The following SKAP1 variants were observed in gnomAD, a reference collection of about 807,000 sequenced individuals.
SKAP1 encodes the protein src kinase associated phosphoprotein 1.
A neutral mutation model predicts 58.5 loss-of-function variants in SKAP1; 44 were observed. The observed-to-expected ratio is 0.75, with a 90% CI of 0.59 to 0.97. SKAP1 has a LOEUF of 0.97. Among genes scored for constraint, SKAP1 ranks in the 50% least tolerant of loss-of-function variants. SKAP1 has a pLI of 0.00. For missense variants in SKAP1, 390 were observed against 435.2 expected (o/e 0.90, Z 0.92); for synonymous variants, 127 against 149.7 (o/e 0.85, Z 1.11).
chr17:48,158,567 C>CAAA (rs1171183021), intron 11 of SKAP1, among the ~76,000 whole-genome samples: 9,142 of 61,360 alleles, frequency 0.15, 1,262 homozygotes, highest in African/African-American at 0.27. Flanking sequence ...GACTCTGTCT[C>CAAA]AAAAAAAAAA....
At chr17:48,224,174 G>A (rs1324781553) in intron 4 of SKAP1, among the ~76,000 whole-genome samples, 2 of 151,598 alleles carry the variant, frequency 1.3e-5, no homozygotes, top group Non-Finnish European at 2.9e-5. Flanking sequence ...AGTATAATGT[G>A]TTCTTAGCCA....
intron 3 of SKAP1, among the ~76,000 whole-genome samples, chr17:48,352,020 G>C (rs773288602): frequency 1.3e-5 from 2 of 150,380 alleles, no homozygotes; most frequent in Non-Finnish European, 3.0e-5. Flanking sequence ...AGTAGGGTGA[G>C]CTGTAGTGTG....
At chr17:48,386,306 C>CTT (rs201047932) in intron 2 of SKAP1, among the ~76,000 whole-genome samples, 34,589 of 126,758 alleles carry the variant, frequency 0.27, 4,454 homozygotes, top group Admixed American at 0.34. Context: ...CATGCTAGAC[C>CTT]TTTTTTTTTT....
intron 4 of SKAP1, among the ~76,000 whole-genome samples, chr17:48,230,548 A>C (rs1459251697): frequency 1.3e-5 from 2 of 152,100 alleles, no homozygotes; most frequent in African/African-American, 4.8e-5. Flanking sequence ...TGAGGCCAGG[A>C]GTGTGAGACC....
chr17:48,222,363 C>A (rs1351348650), intron 4 of SKAP1, among the ~76,000 whole-genome samples: 1 of 152,154 alleles, frequency 6.6e-6, no homozygotes, highest in East Asian at 1.9e-4. Flanking sequence ...CTAAGAAAAA[C>A]TGTATTCAAG....
chr17:48,268,941 A>G (rs1178666054), intron 4 of SKAP1, among the ~76,000 whole-genome samples: 2 of 152,196 alleles, frequency 1.3e-5, no homozygotes, highest in Admixed American at 1.3e-4. Context: ...CATGACTGAC[A>G]CTAACGATAC....
chr17:48,160,888 T>C (rs567996308), intron 11 of SKAP1, among the ~76,000 whole-genome samples: 2 of 152,334 alleles, frequency 1.3e-5, no homozygotes, highest in South Asian at 4.1e-4. Flanking sequence ...TTTCGGGCAT[T>C]TGAAATACCA....
intron 4 of SKAP1, among the ~76,000 whole-genome samples, chr17:48,201,273 CTTCCTTCCTTCT>C (rs970753707): frequency 5.3e-5 from 8 of 150,590 alleles, no homozygotes; most frequent in African/African-American, 2.0e-4. Flanking sequence ...TTTTTCCTTC[CTTCCTTCCTTCT>C]TTCCTTCCTT....
intron 2 of SKAP1, among the ~76,000 whole-genome samples, chr17:48,370,786 CAAAAG>C (rs1049622023): frequency 2.0e-5 from 3 of 152,130 alleles, no homozygotes; most frequent in Non-Finnish European, 2.9e-5. Context: ...GGTATATATC[CAAAAG>C]AAAATAAATC....
At chr17:48,296,364 A>C (rs958423816) in intron 4 of SKAP1, among the ~76,000 whole-genome samples, 20 of 152,206 alleles carry the variant, frequency 1.3e-4, no homozygotes, top group African/African-American at 4.8e-4. Flanking sequence ...TAGGTTGCAA[A>C]CAGCTCAAAA....
chr17:48,323,978 T>C (rs937405091), intron 4 of SKAP1, among the ~76,000 whole-genome samples: 5 of 152,148 alleles, frequency 3.3e-5, no homozygotes, highest in African/African-American at 1.2e-4. Context: ...TTGTGGATTC[T>C]CATGTATTCT....
Position 48,135,879 on chromosome 17 carries a change from G to C in SKAP1, c.*7+1350C>G, listed in dbSNP as rs1490003608. Reference sequence around the variant, plus strand: ...ATCCTCATATTGGATTCCTAATCTTGGTCAGTCATATTGCAATATGTGGGG... The same window carrying C: ...ATCCTCATATTGGATTCCTAATCTTCGTCAGTCATATTGCAATATGTGGGG... On this transcript the variant is annotated intron_variant, in intron 12 of 12. Transcript: ENST00000336915. Among the ~76,000 whole-genome samples, 4 of 152,096 alleles carry C rather than the reference G, an allele frequency of 2.6e-5. No homozygotes were observed. In the South Asian group the frequency reaches 8.3e-4, roughly 31 times the overall value.
At chr17:48,180,301 A>G (rs1359891518) in intron 8 of SKAP1, 53 bp from the exon 9 acceptor site, 15 of 1,373,802 alleles carry the variant, frequency 1.1e-5, no homozygotes, top group Admixed American at 2.6e-5. Flanking sequence ...AGAAAATAAG[A>G]CAGGAAAGGA....
At chr17:48,274,124 C>T (rs2065668390) in intron 4 of SKAP1, among the ~76,000 whole-genome samples, 1 of 152,170 alleles carries the variant, frequency 6.6e-6, no homozygotes, top group African/African-American at 2.4e-5. Context: ...CGAGGTGGCT[C>T]ATGCTTGTAA....
At chr17:48,276,820 T>A (rs1471551964) in intron 4 of SKAP1, among the ~76,000 whole-genome samples, 1 of 152,258 alleles carries the variant, frequency 6.6e-6, no homozygotes, top group Non-Finnish European at 1.5e-5. Context: ...AATTGACATA[T>A]GTTTCTTTCA....
In SKAP1 at chr17:48,430,145, A is replaced by G. The variant is rs1017594983; in HGVS notation, c.-25T>C. ...TTTGGCTGGGCGGGAGAGAGGCGGG[A>G]CGGGGCGCGGGCCCTGGTCGGGAGG... On this transcript the variant is annotated 5_prime_UTR_variant, in exon 1 of 13. Coordinates refer to ENST00000336915, the MANE Select transcript of SKAP1 (RefSeq NM_003726.4). 1 of 1,249,250 alleles carries G rather than the reference A, an allele frequency of 8.0e-7. No individual in the cohort carries two copies. The highest frequency in any genetic ancestry group is 1.0e-6 in the Non-Finnish European group (1 of 988,786). The allele number at this position is 1,249,250 out of a possible 1,614,324, so 77.4% of individuals were successfully genotyped here.
intron 4 of SKAP1, among the ~76,000 whole-genome samples, chr17:48,206,366 G>A (rs1328091668): frequency 6.6e-6 from 1 of 152,042 alleles, no homozygotes; most frequent in East Asian, 1.9e-4. Flanking sequence ...TACCCTCCAG[G>A]AACCTCCACG....
At chr17:48,195,028 AAC>A (rs1273005875) in intron 4 of SKAP1, among the ~76,000 whole-genome samples, 1 of 152,224 alleles carries the variant, frequency 6.6e-6, no homozygotes, top group Non-Finnish European at 1.5e-5. Context: ...CATAAACACA[AAC>A]ACACGCTTTA....
chr17:48,299,514 T>C (rs765069771), intron 4 of SKAP1, among the ~76,000 whole-genome samples: 5 of 152,170 alleles, frequency 3.3e-5, no homozygotes, highest in Non-Finnish European at 7.3e-5. Context: ...AACAGGAGAC[T>C]ACTATTATTT....
Sources: gnomAD v4.1 joint callset for allele counts (sites outside exome capture counted in the v4.1 genomes callset) on GRCh38, gnomAD v4.1.1 for gene constraint, MANE v1.5 for transcripts, NCBI Gene and HGNC (gene_info 2026-07-23, HGNC 2026-07-21) for gene names.